GLIS3: variants seen among roughly 807,000 people sequenced by gnomAD.
GLIS3 encodes the protein zinc finger protein GLIS3.
GLIS3 carries 53 observed loss-of-function variants against 78.6 expected under a neutral mutation model. That is an observed-to-expected ratio of 0.67 (90% confidence interval 0.54 to 0.85). The LOEUF (loss-of-function observed/expected upper bound fraction) is 0.85, where lower values mean the gene tolerates loss of function less well. Ranked by LOEUF, GLIS3 falls within the 40% of genes least tolerant of loss-of-function variation. The pLI is 0.00. For missense variants in GLIS3, 1,703 were observed against 1,231.1 expected (o/e 1.38, Z -5.74); for synonymous variants, 684 against 509.9 (o/e 1.34, Z -4.60).
At chr9:3,840,510 G>C (rs552314982) in intron 9 of GLIS3, among the ~76,000 whole-genome samples, 1 of 152,288 alleles carries the variant, frequency 6.6e-6, no homozygotes, top group Admixed American at 6.5e-5. Context: ...TTTTTCTGCG[G>C]GCTGAGAACT....
rs1175456871 is a variant in GLIS3, at chr9:4,002,889, C to T, written c.1711-65700G>A. ...TGATGGTTAGAACTGCAATAGCTGTCACAACCATGAGGCAAAGGTCAAGAG... is the reference window on the plus strand; with the variant it reads ...TGATGGTTAGAACTGCAATAGCTGTTACAACCATGAGGCAAAGGTCAAGAG... On this transcript the variant is annotated intron_variant, in intron 4 of 10. Coordinates refer to ENST00000381971, the MANE Select transcript of GLIS3 (RefSeq NM_001042413.2). Among the ~76,000 whole-genome samples, 6 of 152,162 alleles carry T rather than the reference C, an allele frequency of 3.9e-5. 1 individual carries two copies. Among genetic ancestry groups the T allele is most frequent in the Admixed American group, 3.3e-4 (5 of 15,266 alleles).
intron 2 of GLIS3, among the ~76,000 whole-genome samples, chr9:4,223,765 A>T (rs986477755): frequency 1.3e-5 from 2 of 152,156 alleles, no homozygotes; most frequent in African/African-American, 4.8e-5. Flanking sequence ...TTTGCTTAAA[A>T]TACTGATTTT....
chr9:3,902,217 T>G (rs141103911), intron 6 of GLIS3, among the ~76,000 whole-genome samples: 1 of 152,314 alleles, frequency 6.6e-6, no homozygotes, highest in East Asian at 1.9e-4. Context: ...GCTTCTTAAA[T>G]TGAACAAGCT....
At chr9:4,386,268 G>A in the GLIS3 span, 1 of 152,064 alleles carries the variant, frequency 6.6e-6, no homozygotes, top group Admixed American at 6.5e-5. Flanking sequence ...TAAAAATTGT[G>A]TCTATACATG....
At chr9:3,906,110 G>A (rs577976852) in intron 6 of GLIS3, among the ~76,000 whole-genome samples, 1 of 152,342 alleles carries the variant, frequency 6.6e-6, no homozygotes, top group Admixed American at 6.5e-5. Flanking sequence ...AAGGGTGCAG[G>A]ATGCAGGGCT....
chr9:4,277,763 A>G (rs987207726), intron 2 of GLIS3, among the ~76,000 whole-genome samples: 1 of 152,228 alleles, frequency 6.6e-6, no homozygotes, highest in Non-Finnish European at 1.5e-5. Flanking sequence ...TAAATATTTA[A>G]ATAGTTGTGT....
chr9:3,894,957 G>A (rs1404338114), intron 7 of GLIS3, among the ~76,000 whole-genome samples: 1 of 152,074 alleles, frequency 6.6e-6, no homozygotes, highest in South Asian at 2.1e-4. Flanking sequence ...CATGGCTTAG[G>A]TCATTTGCTA....
the GLIS3 span, among the ~76,000 whole-genome samples, chr9:4,461,179 A>G: frequency 6.6e-6 from 1 of 152,216 alleles, no homozygotes; most frequent in Non-Finnish European, 1.5e-5. Context: ...AAAGTTTTGA[A>G]ACCTCAGGCA....
At chr9:4,272,378 C>T (rs1217610719) in intron 2 of GLIS3, among the ~76,000 whole-genome samples, 1 of 152,144 alleles carries the variant, frequency 6.6e-6, no homozygotes, top group Non-Finnish European at 1.5e-5. Context: ...AAGAACCTAA[C>T]CTTTTGAGGC....
At chr9:3,964,251 T>C (rs1817766782) in intron 4 of GLIS3, among the ~76,000 whole-genome samples, 1 of 152,206 alleles carries the variant, frequency 6.6e-6, no homozygotes, top group Non-Finnish European at 1.5e-5. Context: ...AAGATAAATC[T>C]GAAGCTCGGA....
At chr9:4,140,119 T>C (rs1190695655) in intron 2 of GLIS3, among the ~76,000 whole-genome samples, 5 of 152,046 alleles carry the variant, frequency 3.3e-5, no homozygotes. Flanking sequence ...AGCTCTGGAG[T>C]GTGAGACCAG....
At chr9:4,425,064 G>A in the GLIS3 span, among the ~76,000 whole-genome samples, 1 of 152,076 alleles carries the variant, frequency 6.6e-6, no homozygotes, top group Middle Eastern at 3.2e-3. Flanking sequence ...ACTGGAAGCT[G>A]AGGAGTCATC....
chr9:4,287,031 C>G (rs1212330565), intron 1 of GLIS3, among the ~76,000 whole-genome samples: 1 of 152,124 alleles, frequency 6.6e-6, no homozygotes, highest in Non-Finnish European at 1.5e-5. Context: ...GTCACAGTCC[C>G]TAGATTCGAA....
chr9:4,059,839 A>T lies in GLIS3; in HGVS notation c.1710+57929T>A, dbSNP rs894211009. On this transcript the variant is annotated intron_variant, in intron 4 of 10. Transcript: ENST00000381971. Reference sequence around the variant, plus strand: ...GTGTGTGTGTGTGTGTGAGAGAGAGAGAGAGAGAGAGAGAGAGAGAGAGAG... The same window carrying T: ...GTGTGTGTGTGTGTGTGAGAGAGAGTGAGAGAGAGAGAGAGAGAGAGAGAG... Among the ~76,000 whole-genome samples, 450 of 86,834 alleles carry T rather than the reference A, an allele frequency of 5.2e-3. 1 individual carries two copies. The highest frequency in any genetic ancestry group is 0.017 in the Middle Eastern group (3 of 172). 57.0% of individuals were successfully genotyped at this position (86,834 alleles called of 152,430 possible). A position where few individuals can be genotyped will look rare whatever the true frequency, so the allele number is the denominator to read the frequency against.
At chr9:4,289,766 T>C (rs1457800484) in intron 1 of GLIS3, among the ~76,000 whole-genome samples, 1 of 152,138 alleles carries the variant, frequency 6.6e-6, no homozygotes, top group Non-Finnish European at 1.5e-5. Context: ...TTATACTACA[T>C]TGGTTCCTAC....
intron 8 of GLIS3, among the ~76,000 whole-genome samples, chr9:3,877,252 T>TTA (rs1821378145): frequency 6.6e-6 from 1 of 152,008 alleles, no homozygotes; most frequent in East Asian, 1.9e-4. Context: ...TGCATTTTTT[T>TTA]AAAAAAATCT....
chr9:3,879,872 A>G (rs1033054440), intron 7 of GLIS3, among the ~76,000 whole-genome samples: 6 of 152,096 alleles, frequency 3.9e-5, no homozygotes, highest in African/African-American at 1.4e-4. Context: ...TGGACACTGT[A>G]TAATTAGTCA....
chr9:4,439,218 A>G, the GLIS3 span, among the ~76,000 whole-genome samples: 5 of 152,078 alleles, frequency 3.3e-5, no homozygotes, highest in African/African-American at 9.7e-5. Flanking sequence ...AATTTTTTCT[A>G]TTTTCCAAGA....
At chr9:4,356,363 G>A in the GLIS3 span, among the ~76,000 whole-genome samples, 1 of 152,268 alleles carries the variant, frequency 6.6e-6, no homozygotes, top group Non-Finnish European at 1.5e-5. Flanking sequence ...AGCATGATTG[G>A]TTTTCCACAG....
Sources: gnomAD v4.1 joint callset for allele counts (sites outside exome capture counted in the v4.1 genomes callset) on GRCh38, gnomAD v4.1.1 for gene constraint, MANE v1.5 for transcripts, NCBI Gene and HGNC (gene_info 2026-07-23, HGNC 2026-07-21) for gene names.